NAV2: variants seen among roughly 807,000 people sequenced by gnomAD.
NAV2 encodes the protein neuron navigator 2, also known as helicase, APC down-regulated 1.
A neutral mutation model predicts 223.2 loss-of-function variants in NAV2; 54 were observed. The observed-to-expected ratio is 0.24, with a 90% CI of 0.19 to 0.30. NAV2 has a LOEUF of 0.30. Ranked by LOEUF, NAV2 falls within the 10% of genes least tolerant of loss-of-function variation. The pLI, the probability that NAV2 is intolerant of heterozygous loss-of-function variation, is 1.00. For synonymous variants in NAV2, 1,279 were observed against 1,239.3 expected, an observed-to-expected ratio of 1.03 and a Z score of -0.67; for missense variants, 2,806 against 3,147.5, an observed-to-expected ratio of 0.89 and a Z score of 2.60.
chr11:19,957,992 G>A (rs967301994), intron 10 of NAV2, among the ~76,000 whole-genome samples: 1 of 152,206 alleles, frequency 6.6e-6, no homozygotes, highest in Non-Finnish European at 1.5e-5. Context: ...TAGCTTTGAG[G>A]CTTGAATCCC....
chr11:19,764,412 G>C (rs2055033488), intron 1 of NAV2, among the ~76,000 whole-genome samples: 2 of 152,192 alleles, frequency 1.3e-5, no homozygotes, highest in Admixed American at 1.3e-4. Flanking sequence ...TTTGTCCACT[G>C]TGTCCCCAAA....
chr11:19,974,684 C>T (rs12787572), intron 10 of NAV2, among the ~76,000 whole-genome samples: 3 of 152,116 alleles, frequency 2.0e-5, no homozygotes, highest in Admixed American at 1.3e-4. Context: ...GAGGCTGAGA[C>T]GGGAGGATCC....
At chr11:19,579,506 C>G (rs1393750177) in intron 1 of NAV2, among the ~76,000 whole-genome samples, 5 of 152,174 alleles carry the variant, frequency 3.3e-5, no homozygotes, top group Non-Finnish European at 5.9e-5. Flanking sequence ...GTTTTAGAAT[C>G]ACTAGACCTA....
At chr11:19,479,910 C>T (rs748125318) in intron 1 of NAV2, among the ~76,000 whole-genome samples, 1 of 152,194 alleles carries the variant, frequency 6.6e-6, no homozygotes, top group Non-Finnish European at 1.5e-5. Context: ...CTAGAGGGCT[C>T]ATGCTGTAGG....
At chr11:19,691,591 G>A (rs1331867066) in intron 1 of NAV2, among the ~76,000 whole-genome samples, 4 of 151,868 alleles carry the variant, frequency 2.6e-5, no homozygotes, top group Non-Finnish European at 4.4e-5. Context: ...TTTTGGAGAC[G>A]GAGTCTCGCT....
intron 6 of NAV2, among the ~76,000 whole-genome samples, chr11:19,931,609 A>AAAAAG (rs10692495): frequency 7.3e-6 from 1 of 137,306 alleles, no homozygotes; most frequent in Admixed American, 7.3e-5. Context: ...AAAAAAAAAA[A>AAAAAG]GCAGAAGAAG....
At chr11:19,483,634 G>A (rs2042348128) in intron 1 of NAV2, among the ~76,000 whole-genome samples, 1 of 152,180 alleles carries the variant, frequency 6.6e-6, no homozygotes, top group African/African-American at 2.4e-5. Flanking sequence ...TAGTTTTGCT[G>A]TCCCACCTTA....
intron 1 of NAV2, among the ~76,000 whole-genome samples, chr11:19,632,042 A>G (rs1395622992): frequency 6.6e-6 from 1 of 152,350 alleles, no homozygotes; most frequent in East Asian, 1.9e-4. Flanking sequence ...CCGCCAGGGA[A>G]CATGCCTGTT....
chr11:19,963,677 A>G (rs748654997), intron 10 of NAV2, among the ~76,000 whole-genome samples: 1 of 152,220 alleles, frequency 6.6e-6, no homozygotes, highest in Non-Finnish European at 1.5e-5. Flanking sequence ...CTCGAAAGCA[A>G]TATTATGTGT....
At chr11:19,860,274 CG>C (rs2061672672) in intron 3 of NAV2, among the ~76,000 whole-genome samples, 1 of 134,162 alleles carries the variant, frequency 7.5e-6, no homozygotes, top group Non-Finnish European at 1.6e-5. Flanking sequence ...ACTTCTCAGA[CG>C]GGGCGGCTGC....
At chr11:19,802,935 C>G (rs915327063) in intron 1 of NAV2, among the ~76,000 whole-genome samples, 2 of 152,148 alleles carry the variant, frequency 1.3e-5, no homozygotes, top group African/African-American at 4.8e-5. Context: ...CAGCTGCTTC[C>G]TCTCTGTTAT....
At chr11:19,411,476 C>G (rs1335022429) in intron 1 of NAV2, among the ~76,000 whole-genome samples, 1 of 152,150 alleles carries the variant, frequency 6.6e-6, no homozygotes, top group African/African-American at 2.4e-5. Flanking sequence ...GAGTATCTTT[C>G]TTCCACCTCC....
intron 1 of NAV2, among the ~76,000 whole-genome samples, chr11:19,540,423 T>A (rs2044308566): frequency 3.3e-5 from 5 of 152,248 alleles, no homozygotes; most frequent in Admixed American, 3.3e-4. Context: ...TTTATATACA[T>A]TTGTGCATGT....
chr11:19,447,485 T>A (rs1026503462), intron 1 of NAV2, among the ~76,000 whole-genome samples: 1 of 152,226 alleles, frequency 6.6e-6, no homozygotes, highest in African/African-American at 2.4e-5. Flanking sequence ...TAACCTCAGC[T>A]TCCTGCTGTG....
intron 1 of NAV2, among the ~76,000 whole-genome samples, chr11:19,521,109 C>A (rs571198160): frequency 6.6e-6 from 1 of 152,226 alleles, no homozygotes; most frequent in Non-Finnish European, 1.5e-5. Flanking sequence ...GGTGATGGGC[C>A]TTGGAACCCA....
chr11:19,472,685 T>C (rs1406714374), intron 1 of NAV2, among the ~76,000 whole-genome samples: 1 of 152,116 alleles, frequency 6.6e-6, no homozygotes, highest in East Asian at 1.9e-4. Context: ...CCTCAGGAAG[T>C]GTTGTTACCT....
At chr11:19,764,794 T>C (rs1482402903) in intron 1 of NAV2, among the ~76,000 whole-genome samples, 2 of 152,208 alleles carry the variant, frequency 1.3e-5, no homozygotes, top group Admixed American at 6.5e-5. Context: ...ACTCTTGGTT[T>C]CTCAAGTTCA....
chr11:19,683,123 T>A (rs951313314), intron 1 of NAV2, among the ~76,000 whole-genome samples: 1 of 152,166 alleles, frequency 6.6e-6, no homozygotes, highest in African/African-American at 2.4e-5. Context: ...TATTAAATGA[T>A]CCTTAAATTT....
chr11:19,995,111 A>G (rs1489338711), intron 11 of NAV2, among the ~76,000 whole-genome samples: 1 of 152,224 alleles, frequency 6.6e-6, no homozygotes, highest in East Asian at 1.9e-4. Context: ...CTCTGCCACT[A>G]GTGAATTACC....
Sources: allele counts gnomAD v4.1 joint callset (sites outside exome capture counted in the v4.1 genomes callset), GRCh38; gene constraint gnomAD v4.1.1; transcripts MANE v1.5; gene names NCBI Gene and HGNC (gene_info 2026-07-23, HGNC 2026-07-21).